The following EEF1AKMT3 variants were observed in gnomAD, a reference collection of about 807,000 sequenced individuals.
EEF1AKMT3 encodes EEF1A lysine methyltransferase 3, also known as eEF1A-KMT3.
Under a neutral mutation model 17.8 loss-of-function variants are expected in EEF1AKMT3, and 17 were observed. The observed-to-expected ratio is 0.96, with a 90% CI of 0.65 to 1.43. EEF1AKMT3 has a LOEUF of 1.43. Ranked by LOEUF, EEF1AKMT3 falls within the 40% of genes most tolerant of loss-of-function variation. The probability of loss-of-function intolerance (pLI) is 0.00; values close to 1 mark genes in which losing one functional copy is unlikely to be tolerated. For synonymous variants in EEF1AKMT3, 116 were observed against 126.5 expected (o/e 0.92, Z 0.56); for missense variants, 244 against 285.8 (o/e 0.85, Z 1.06).
chr12:57,775,087 A>G (rs1008558793), intron 2 of EEF1AKMT3, among the ~76,000 whole-genome samples: 1 of 147,154 alleles, frequency 6.8e-6, no homozygotes, highest in African/African-American at 2.5e-5. Context: ...CCTGAGCAAC[A>G]AGAGTGAAAC....
Position 57,780,280 on chromosome 12 carries a change from G to A in EEF1AKMT3, c.315G>A (p.Leu105=). 6.2e-7 allele frequency: 1 copy of A among 1,613,586 alleles called. No individual in the cohort carries two copies. The highest frequency in any genetic ancestry group is 8.5e-7 in the Non-Finnish European group (1 of 1,179,910). ...GGGGGGATGTTACCATCACTGACCT[G>A]CCCCTGGCCCTAGAACAGATCCAGG... ...LQGGDVTITD[L]PLALEQIQGN... is the part of the protein sequence containing the mutation. The change falls in exon 3 of 3, where the codon CTG becomes CTA. Residue 105 remains leucine (L), a synonymous_variant. Transcript: ENST00000300209.
At chr12:57,773,207 G>C in intron 2 of EEF1AKMT3, 79 bp downstream of exon 2, 1 of 1,359,944 alleles carries the variant, frequency 7.4e-7, no homozygotes, top group Non-Finnish European at 1.1e-6. Context: ...ATCTTTGGGG[G>C]AGAGGGGAGA....
chr12:57,773,618 G>A (rs1460884863), intron 2 of EEF1AKMT3, among the ~76,000 whole-genome samples: 3 of 152,014 alleles, frequency 2.0e-5, no homozygotes, highest in Non-Finnish European at 2.9e-5. Context: ...AGTAGAAGAC[G>A]TTTCACCATG....
intron 2 of EEF1AKMT3, among the ~76,000 whole-genome samples, chr12:57,779,077 G>C (rs555292860): frequency 1.2e-3 from 190 of 152,246 alleles, no homozygotes; most frequent in African/African-American, 4.2e-3. Context: ...GGTCAGGCTG[G>C]TCTGACCACT....
chr12:57,773,010 C>T lies in EEF1AKMT3; in HGVS notation c.178-7C>T, dbSNP rs1565815907. On this transcript the variant is annotated splice_region_variant and splice_polypyrimidine_tract_variant and intron_variant, in intron 1 of 2. Transcript: ENST00000300209. ...GACTGTCTTTTTCTCTGTCTTTTCT[C>T]CCGTAGGCCCTGAGCCTGTGCAATT... The T allele has an allele frequency of 6.2e-7, 1 of 1,614,018 alleles. No individual in the cohort carries two copies. The highest frequency in any genetic ancestry group is 8.5e-7 in the Non-Finnish European group (1 of 1,180,024).
chr12:57,779,532 A>T (rs1955499305), intron 2 of EEF1AKMT3, among the ~76,000 whole-genome samples: 1 of 151,992 alleles, frequency 6.6e-6, no homozygotes. Context: ...GTGTGTCTCT[A>T]CCTCTAGAAT....
In EEF1AKMT3 at chr12:57,778,293, C is replaced by CTTTTTTTTTTTTTTTTTTTT. The variant is rs56919999; in HGVS notation, c.290-1947_290-1946insTTTTTTTTTTTTTTTTTTTT. On this transcript the variant is annotated intron_variant, in intron 2 of 2. Coordinates refer to ENST00000300209, the MANE Select transcript of EEF1AKMT3 (RefSeq NM_015433.3). ...CCAAACACCCAGAAACCATCCTGAG[C>CTTTTTTTTTTTTTTTTTTTT]TTTTTTTTTTTTTTTGAGACAGGTT... 2.0e-3 allele frequency among the ~76,000 whole-genome samples: 87 copies of CTTTTTTTTTTTTTTTTTTTT among 43,992 alleles called. 33 individuals are homozygous for CTTTTTTTTTTTTTTTTTTTT. The highest frequency in any genetic ancestry group is 7.4e-3 in the East Asian group (4 of 544). 28.9% of individuals were successfully genotyped at this position (43,992 alleles called of 152,430 possible). A position where few individuals can be genotyped will look rare whatever the true frequency, so the allele number is the denominator to read the frequency against.
intron 2 of EEF1AKMT3, 73 bp downstream of exon 2, chr12:57,773,201 T>C: frequency 1.4e-6 from 2 of 1,434,462 alleles, no homozygotes; most frequent in Non-Finnish European, 2.0e-6. Flanking sequence ...TCGTGGATCT[T>C]TGGGGGAGAG....
At chr12:57,774,728 C>G (rs767384791) in intron 2 of EEF1AKMT3, 2 of 1,612,466 alleles carry the variant, frequency 1.2e-6, no homozygotes, top group Non-Finnish European at 1.7e-6. Context: ...TCCATGTCTA[C>G]CATGACTCCC....
chr12:57,781,373 T>C lies in EEF1AKMT3; in HGVS notation c.*727T>C, dbSNP rs1291589149. ...TGTGCTAGCCTAGGATTTTTTTTTTTTTTTAAGAAAGAATTAAGCCTTAAA... is the reference window on the plus strand; with the variant it reads ...TGTGCTAGCCTAGGATTTTTTTTTTCTTTTAAGAAAGAATTAAGCCTTAAA... On this transcript the variant is annotated 3_prime_UTR_variant, in exon 3 of 3. Transcript: ENST00000300209. The C allele has an allele frequency of 2.6e-5, 4 of 152,062 alleles. No homozygotes were observed. Among genetic ancestry groups the C allele is most frequent in the African/African-American group, 9.7e-5 (4 of 41,352 alleles). 9.4% of individuals were successfully genotyped at this position (152,062 alleles called of 1,614,324 possible). A position where few individuals can be genotyped will look rare whatever the true frequency, so the allele number is the denominator to read the frequency against.
intron 2 of EEF1AKMT3, among the ~76,000 whole-genome samples, chr12:57,775,787 T>C (rs931639807): frequency 2.6e-5 from 4 of 152,156 alleles, no homozygotes; most frequent in African/African-American, 9.7e-5. Flanking sequence ...CAAACACATT[T>C]CTCCCTCAGA....
intron 2 of EEF1AKMT3, among the ~76,000 whole-genome samples, chr12:57,773,360 G>A (rs572651846): frequency 6.6e-6 from 1 of 152,242 alleles, no homozygotes; most frequent in Admixed American, 6.5e-5. Context: ...GGGGAGGGCA[G>A]GAAATAAAAC....
chr12:57,779,495 GTCA>G (rs377581003), intron 2 of EEF1AKMT3, among the ~76,000 whole-genome samples: 8 of 151,916 alleles, frequency 5.3e-5, no homozygotes, highest in African/African-American at 1.9e-4. Context: ...TTCTATCATA[GTCA>G]TCATGATTAT....
intron 2 of EEF1AKMT3, among the ~76,000 whole-genome samples, chr12:57,779,864 C>T (rs1437964724): frequency 2.0e-5 from 3 of 152,142 alleles, no homozygotes; most frequent in African/African-American, 7.2e-5. Context: ...AAAGCTCCAC[C>T]TGACTAACTC....
At position 57,773,041 on chromosome 12, in the gene EEF1AKMT3, G is replaced by A; in HGVS notation, c.202G>A (p.Glu68Lys). 1 of 1,614,096 alleles carries A rather than the reference G, an allele frequency of 6.2e-7. No homozygotes were observed. The highest frequency in any genetic ancestry group is 1.1e-5 in the South Asian group (1 of 91,050). The change falls in exon 2 of 3, where the codon GAG (glutamate) becomes AAG (lysine). Residue 68 changes from glutamate (E) to lysine (K), a missense_variant. Physicochemically the swap from Glu to Lys is moderately conservative, Grantham distance 56. Coordinates refer to ENST00000300209, the MANE Select transcript of EEF1AKMT3 (RefSeq NM_015433.3). Reference sequence around the variant, plus strand: ...GGCCCTGAGCCTGTGCAATTATTTCGAGAGTCAAAATGTGGATTTCCGAGG... The same window carrying A: ...GGCCCTGAGCCTGTGCAATTATTTCAAGAGTCAAAATGTGGATTTCCGAGG... ...DAALSLCNYF[E>K]SQNVDFRGKK...
In EEF1AKMT3 at chr12:57,772,723, G is replaced by A. The variant is rs1202051026; in HGVS notation, c.-2G>A. On this transcript the variant is annotated 5_prime_UTR_variant, in exon 1 of 3. Transcript: ENST00000300209. This position sits in a 1 kb window ranked among gnomAD's most constrained non-coding sequence, Gnocchi z 4.1. ...TGCCCAGGCACTCCCTTGGCGGGCC[G>A]GATGGCGGACCCCGGCCCAGATCCC... The A allele has an allele frequency of 4.3e-6, 7 of 1,611,584 alleles. No homozygotes were observed. In the Admixed American group the frequency reaches 6.7e-5, roughly 15 times the overall value.
intron 2 of EEF1AKMT3, chr12:57,774,689 G>C: frequency 6.2e-7 from 1 of 1,612,980 alleles, no homozygotes; most frequent in South Asian, 1.1e-5. Flanking sequence ...CTCTGGCGAG[G>C]TATGCGTGGA....
At chr12:57,778,331 C>T (rs1262533583) in intron 2 of EEF1AKMT3, among the ~76,000 whole-genome samples, 1 of 81,232 alleles carries the variant, frequency 1.2e-5, no homozygotes, top group Non-Finnish European at 2.2e-5. Flanking sequence ...CACTCTGTTG[C>T]CCAGGCTGGA....
rs1955508134 is a variant in EEF1AKMT3 at position 57,780,668 on chromosome 12, C to G, written c.*22C>G. The stretch of plus-strand genomic sequence containing the variant: ...TTGACATCACCCTTGCTGTTCTTCT[C>G]AATCTCTTGCTCTAATGAAGGAACT... On this transcript the variant is annotated 3_prime_UTR_variant, in exon 3 of 3. Transcript: ENST00000300209. 1 of 1,601,208 alleles carries G rather than the reference C, an allele frequency of 6.2e-7. No individual in the cohort carries two copies. Among genetic ancestry groups the G allele is most frequent in the African/African-American group, 1.3e-5 (1 of 74,822 alleles).
Sources: allele counts gnomAD v4.1 joint callset (sites outside exome capture counted in the v4.1 genomes callset), GRCh38; gene constraint gnomAD v4.1.1; non-coding constraint Gnocchi (gnomAD v3.1); transcripts MANE v1.5; gene names NCBI Gene and HGNC (gene_info 2026-07-23, HGNC 2026-07-21).